The following SPACA1 variants were observed in gnomAD, a reference collection of about 807,000 sequenced individuals.
The protein encoded by SPACA1 is sperm acrosome associated 1.
SPACA1 carries 17 observed loss-of-function variants against 32.6 expected under a neutral mutation model. The observed-to-expected ratio is 0.52, with a 90% confidence interval of 0.36 to 0.78. The LOEUF (loss-of-function observed/expected upper bound fraction) is 0.78, where lower values mean the gene tolerates loss of function less well. Among genes scored for constraint, SPACA1 ranks in the 30% least tolerant of loss-of-function variants. SPACA1 has a pLI of 0.01. For synonymous variants in SPACA1, 140 were observed against 138.1 expected, an observed-to-expected ratio of 1.01 and a Z score of -0.10; for missense variants, 363 against 373.4, an observed-to-expected ratio of 0.97 and a Z score of 0.23.
rs768589484 is a variant in SPACA1, at chr6:88,048,117, AG to A, written c.208+7del. The A allele has an allele frequency of 6.3e-7, 1 of 1,583,104 alleles. No individual in the cohort carries two copies. The highest frequency in any genetic ancestry group is 1.2e-5 in the South Asian group (1 of 86,240). The stretch of plus-strand genomic sequence containing the variant: ...GCTCCGCCTGAAACCGAGGATGGTG[AG>A]GGCGGGAGCTCCCTTGCGGGGCACG... On this transcript the variant is annotated splice_donor_5th_base_variant and intron_variant, in intron 1 of 6. Transcript: ENST00000237201.
At chr6:88,048,740 T>C (rs1400327327) in intron 1 of SPACA1, among the ~76,000 whole-genome samples, 1 of 151,384 alleles carries the variant, frequency 6.6e-6, no homozygotes, top group Non-Finnish European at 1.5e-5. Context: ...ATGCTACATA[T>C]TAACCAAGGA....
intron 5 of SPACA1, among the ~76,000 whole-genome samples, chr6:88,062,946 A>G (rs1215721590): frequency 6.6e-6 from 1 of 152,212 alleles, no homozygotes; most frequent in African/African-American, 2.4e-5. Context: ...TATTTGCATG[A>G]TTCAGGAGTA....
At chr6:88,063,588 G>C (rs566030978) in intron 5 of SPACA1, among the ~76,000 whole-genome samples, 63 of 152,172 alleles carry the variant, frequency 4.1e-4, no homozygotes, top group Non-Finnish European at 8.5e-4. Flanking sequence ...GAACTTTCTG[G>C]GGTATAGTAA....
At chr6:88,053,800 T>C (rs937118194) in intron 1 of SPACA1, 146 bp from the exon 2 acceptor site, 2 of 608,208 alleles carry the variant, frequency 3.3e-6, no homozygotes, top group Non-Finnish European at 5.7e-6. Context: ...GTACTCAGAA[T>C]GGCATTGTTT....
chr6:88,054,536 A>G (rs952614481), intron 2 of SPACA1, among the ~76,000 whole-genome samples: 3 of 152,222 alleles, frequency 2.0e-5, no homozygotes, highest in African/African-American at 7.2e-5. Flanking sequence ...CAAGTTTACA[A>G]TGAAGTTGAT....
At chr6:88,055,699 G>A (rs1226997097) in intron 2 of SPACA1, among the ~76,000 whole-genome samples, 3 of 152,200 alleles carry the variant, frequency 2.0e-5, no homozygotes, top group East Asian at 1.9e-4. Flanking sequence ...AGCCGGGCGC[G>A]GTGGCTCACG....
chr6:88,055,688 A>G (rs1775795972), intron 2 of SPACA1, among the ~76,000 whole-genome samples: 1 of 152,254 alleles, frequency 6.6e-6, no homozygotes, highest in Admixed American at 6.5e-5. Context: ...TAACTGCTTT[A>G]AGCCGGGCGC....
intron 1 of SPACA1, among the ~76,000 whole-genome samples, chr6:88,051,157 A>C (rs560757076): frequency 6.6e-6 from 1 of 152,252 alleles, no homozygotes; most frequent in East Asian, 1.9e-4. Flanking sequence ...AAAAAAAAAA[A>C]AAGATAATAG....
chr6:88,062,931 G>C (rs1161893015), intron 5 of SPACA1, among the ~76,000 whole-genome samples: 2 of 152,142 alleles, frequency 1.3e-5, no homozygotes, highest in Non-Finnish European at 2.9e-5. Flanking sequence ...AGAAATATAG[G>C]AGACTATTTG....
At chr6:88,053,908 A>C in intron 1 of SPACA1, 38 bp from the exon 2 acceptor site, 1 of 1,578,234 alleles carries the variant, frequency 6.3e-7, no homozygotes, top group Non-Finnish European at 8.7e-7. Context: ...AAAAGTTTTC[A>C]TATAATTAAA....
At chr6:88,065,289 CACTT>C (rs1775964114) in intron 6 of SPACA1, among the ~76,000 whole-genome samples, 1 of 147,626 alleles carries the variant, frequency 6.8e-6, no homozygotes, top group Admixed American at 6.8e-5. Context: ...GAATGAAAAA[CACTT>C]ATTAGAGAAG....
chr6:88,050,264 G>C (rs1286870692), intron 1 of SPACA1, among the ~76,000 whole-genome samples: 1 of 152,120 alleles, frequency 6.6e-6, no homozygotes, highest in Admixed American at 6.5e-5. Flanking sequence ...CTTTCCTGTT[G>C]TCAGGCTAAC....
rs570966241 is a variant in SPACA1 at position 88,055,351 on chromosome 6, C to T, written c.265+1349C>T. Among the ~76,000 whole-genome samples, 4 of 152,226 alleles carry T rather than the reference C, an allele frequency of 2.6e-5. No individual in the cohort carries two copies. The East Asian group carries it at 7.7e-4, about 29-fold the overall frequency. ...CAGACAAAGCAGACAAAACTCTCTG[C>T]CCCCAAGCAATGTATAGTTTAGTAA... On this transcript the variant is annotated intron_variant, in intron 2 of 6. Coordinates refer to ENST00000237201, the MANE Select transcript of SPACA1 (RefSeq NM_030960.3).
chr6:88,058,713 C>T lies in SPACA1; in HGVS notation c.368-3C>T. On this transcript the variant is annotated splice_region_variant and splice_polypyrimidine_tract_variant and intron_variant, in intron 3 of 6. Transcript: ENST00000237201. ...GGTATTTATGTGCTTAATTTTTTTT[C>T]AGGGGGTAAACCAATTTCAGAAAGT... 1.2e-6 allele frequency: 2 copies of T among 1,602,734 alleles called. No homozygotes were observed. The highest frequency in any genetic ancestry group is 1.1e-5 in the South Asian group (1 of 89,662).
In SPACA1 at chr6:88,050,908, G is replaced by A. The variant is rs12175853; in HGVS notation, c.208+2795G>A. ...CTCACGCCTGTAATCCCAGTGCTTC[G>A]GAAGGCCGAGGTGGGCAGATCACAA... On this transcript the variant is annotated intron_variant, in intron 1 of 6. Coordinates refer to ENST00000237201, the MANE Select transcript of SPACA1 (RefSeq NM_030960.3). Among the ~76,000 whole-genome samples, 137 of 152,238 alleles carry A rather than the reference G, an allele frequency of 9.0e-4. 1 individual carries two copies. In the East Asian group the frequency reaches 0.023, roughly 26 times the overall value.
At chr6:88,054,642 A>G (rs1396109572) in intron 2 of SPACA1, among the ~76,000 whole-genome samples, 1 of 152,186 alleles carries the variant, frequency 6.6e-6, no homozygotes, top group African/African-American at 2.4e-5. Flanking sequence ...AATTTCTTCT[A>G]AATAGAATCT....
chr6:88,056,921 G>A (rs1334969183), intron 2 of SPACA1, among the ~76,000 whole-genome samples: 2 of 152,060 alleles, frequency 1.3e-5, no homozygotes, highest in Admixed American at 6.6e-5. Flanking sequence ...ATGGAGATTT[G>A]GTCAGTAATA....
At position 88,064,157 on chromosome 6, in the gene SPACA1, G is replaced by C. The variant is rs148925078; in HGVS notation, c.669G>C (p.Leu223=). ...CTGATGCAGCCCTAATTTTTGTGCTGACCATAGGAGTCATTATCTGTGTAT... is the reference window on the plus strand; with the variant it reads ...CTGATGCAGCCCTAATTTTTGTGCTCACCATAGGAGTCATTATCTGTGTAT... ...PATDAALIFV[L]TIGVIICVFI... Residue 223 remains leucine, a synonymous_variant, in exon 6 of 7, where the codon CTG becomes CTC. Transcript: ENST00000237201. 1.4e-5 allele frequency: 23 copies of C among 1,613,162 alleles called. No individual in the cohort carries two copies. The highest frequency in any genetic ancestry group is 1.9e-5 in the Non-Finnish European group (22 of 1,179,492).
At chr6:88,061,892 A>G (rs1248218303) in intron 5 of SPACA1, among the ~76,000 whole-genome samples, 2 of 152,182 alleles carry the variant, frequency 1.3e-5, no homozygotes, top group Non-Finnish European at 2.9e-5. Flanking sequence ...AAAATAGTCT[A>G]GGTGACCCTT....
Sources: gnomAD v4.1 joint callset for allele counts (sites outside exome capture counted in the v4.1 genomes callset) on GRCh38, gnomAD v4.1.1 for gene constraint, MANE v1.5 for transcripts, NCBI Gene and HGNC (gene_info 2026-07-23, HGNC 2026-07-21) for gene names.